Variants in TRIO observed in about 807,000 individuals in gnomAD.
The protein encoded by TRIO is trio Rho guanine nucleotide exchange factor, also known as triple functional domain protein.
Under a neutral mutation model 351.9 loss-of-function variants are expected in TRIO, and 58 were observed. The ratio of observed to expected loss-of-function variants is 0.16; its 90% CI spans 0.13 to 0.21. The LOEUF is 0.21. Ranked by LOEUF, TRIO falls within the 10% of genes least tolerant of loss-of-function variation. The pLI is 1.00. For missense variants in TRIO, 3,201 were observed against 4,027.8 expected (o/e 0.79, Z 5.56); for synonymous variants, 1,758 against 1,595.7 (o/e 1.10, Z -2.42).
chr5:14,457,192 C>A (rs1457720096), intron 34 of TRIO, among the ~76,000 whole-genome samples: 1 of 151,972 alleles, frequency 6.6e-6, no homozygotes, highest in East Asian at 1.9e-4. Context: ...TAGTTTATGA[C>A]CACTGCTAAC....
intron 1 of TRIO, among the ~76,000 whole-genome samples, chr5:14,259,266 A>G (rs1795206710): frequency 2.0e-5 from 3 of 152,194 alleles, no homozygotes; most frequent in South Asian, 2.1e-4. Flanking sequence ...TTGTTTTCCC[A>G]TCAGTATATT....
intron 34 of TRIO, among the ~76,000 whole-genome samples, chr5:14,460,099 G>A (rs1197967250): frequency 2.6e-5 from 4 of 151,994 alleles, no homozygotes; most frequent in African/African-American, 4.8e-5. Context: ...TGTATTTTTA[G>A]TAGAGATGGG....
chr5:14,185,012 G>A (rs1200539546), intron 1 of TRIO, among the ~76,000 whole-genome samples: 11 of 152,072 alleles, frequency 7.2e-5, no homozygotes, highest in African/African-American at 2.2e-4. Context: ...CATCTCAGTC[G>A]TCCATGACTC....
rs539887139 is a variant in TRIO, at chr5:14,261,734, C to A, written c.158-9091C>A. ...TGCTGGAACGACAAGCCTCCCAGTT[C>A]ACTTCTTCCAAAGCAGAGTCTCCTC... On this transcript the variant is annotated intron_variant, in intron 1 of 56. Transcript: ENST00000344204. Among the ~76,000 whole-genome samples, 22 of 152,302 alleles carry A rather than the reference C, an allele frequency of 1.4e-4. 1 individual carries two copies. The South Asian group carries it at 4.4e-3, about 30-fold the overall frequency.
At chr5:14,329,678 T>C (rs1581632001) in intron 9 of TRIO, among the ~76,000 whole-genome samples, 2 of 152,258 alleles carry the variant, frequency 1.3e-5, no homozygotes, top group East Asian at 1.9e-4. Flanking sequence ...AGCTGTGCAT[T>C]AACAAATATG....
chr5:14,290,604 TA>T, intron 4 of TRIO, 111 bp from the exon 5 acceptor site: 5 of 1,123,478 alleles, frequency 4.5e-6, no homozygotes, highest in Non-Finnish European at 6.2e-6. Context: ...ATGTTTTCTA[TA>T]AATAGATTAC....
intron 18 of TRIO, among the ~76,000 whole-genome samples, chr5:14,372,818 A>G (rs1051395405): frequency 6.6e-6 from 1 of 152,206 alleles, no homozygotes; most frequent in African/African-American, 2.4e-5. Flanking sequence ...GTCCTTAGCC[A>G]TCACCCTCGT....
At position 14,426,742 on chromosome 5, in the gene TRIO, C is replaced by T. The variant is rs187140258; in HGVS notation, c.5203+6721C>T. 3.3e-5 allele frequency among the ~76,000 whole-genome samples: 5 copies of T among 152,122 alleles called. No individual in the cohort carries two copies. The East Asian group carries it at 5.8e-4, about 18-fold the overall frequency. On this transcript the variant is annotated intron_variant, in intron 34 of 56. Coordinates refer to ENST00000344204, the MANE Select transcript of TRIO (RefSeq NM_007118.4). Reference sequence around the variant, plus strand: ...GAGATGGGCCTTCAGCAGGGGGTTGCGGGGGGAGCTTTAAACTGAGCCCTG... The same window carrying T: ...GAGATGGGCCTTCAGCAGGGGGTTGTGGGGGGAGCTTTAAACTGAGCCCTG...
intron 11 of TRIO, among the ~76,000 whole-genome samples, chr5:14,349,660 C>T (rs770056541): frequency 1.1e-4 from 17 of 152,170 alleles, no homozygotes; most frequent in Admixed American, 3.3e-4. Flanking sequence ...TTTCAACATA[C>T]GAGGTGAACT....
At chr5:14,425,538 A>C (rs1291408733) in intron 34 of TRIO, among the ~76,000 whole-genome samples, 5 of 152,104 alleles carry the variant, frequency 3.3e-5, no homozygotes, top group Non-Finnish European at 7.3e-5. Flanking sequence ...AATCTCTTCA[A>C]GTCCCTCCTT....
chr5:14,250,693 A>C (rs555830455), intron 1 of TRIO, among the ~76,000 whole-genome samples: 1 of 152,294 alleles, frequency 6.6e-6, no homozygotes, highest in Admixed American at 6.5e-5. Context: ...CTGTGTGTAC[A>C]TAGAAGCACA....
intron 1 of TRIO, among the ~76,000 whole-genome samples, chr5:14,166,451 G>A (rs1194711904): frequency 3.3e-5 from 5 of 152,198 alleles, no homozygotes; most frequent in Admixed American, 2.0e-4. Context: ...TAATTTCGGG[G>A]TAATTTAATC....
chr5:14,162,679 TG>T (rs1788540514), intron 1 of TRIO, among the ~76,000 whole-genome samples: 1 of 152,260 alleles, frequency 6.6e-6, no homozygotes, highest in African/African-American at 2.4e-5. Flanking sequence ...TATCCTGGCT[TG>T]ATGATAATCG....
At position 14,286,786 on chromosome 5, in the gene TRIO, G is replaced by T. The variant is rs1688835005; in HGVS notation, c.348-85G>T. 2.8e-6 allele frequency: 4 copies of T among 1,444,346 alleles called. No individual in the cohort carries two copies. Among genetic ancestry groups the T allele is most frequent in the African/African-American group, 1.4e-5 (1 of 70,942 alleles). 89.5% of individuals were successfully genotyped at this position (1,444,346 alleles called of 1,614,324 possible). On this transcript the variant is annotated intron_variant, in intron 3 of 56. Coordinates refer to ENST00000344204, the MANE Select transcript of TRIO (RefSeq NM_007118.4). This position sits in a 1 kb window ranked among gnomAD's most constrained non-coding sequence, Gnocchi z 4.4. The stretch of plus-strand genomic sequence containing the variant: ...ACGTGTCCAGCAGGGGAGGGAAGCT[G>T]GGTCTGTGGCACCCAGTGGGACTCT...
intron 1 of TRIO, among the ~76,000 whole-genome samples, chr5:14,154,870 A>G (rs1017522439): frequency 2.0e-5 from 3 of 152,174 alleles, no homozygotes; most frequent in South Asian, 2.1e-4. Flanking sequence ...AGGAGTTTCT[A>G]AAACTTTCAA....
intron 7 of TRIO, among the ~76,000 whole-genome samples, chr5:14,301,171 T>C (rs1403475420): frequency 6.6e-6 from 1 of 152,156 alleles, no homozygotes; most frequent in Non-Finnish European, 1.5e-5. Context: ...GTTCTCCTCT[T>C]AAAAGCTATG....
intron 1 of TRIO, among the ~76,000 whole-genome samples, chr5:14,238,763 G>T (rs767288788): frequency 3.9e-5 from 6 of 152,178 alleles, no homozygotes; most frequent in East Asian, 1.9e-4. Flanking sequence ...AGGCCCTGGT[G>T]GGGGGTGCAA....
intron 1 of TRIO, among the ~76,000 whole-genome samples, chr5:14,183,448 C>A (rs1789912517): frequency 6.6e-6 from 1 of 151,994 alleles, no homozygotes; most frequent in African/African-American, 2.4e-5. Flanking sequence ...TAAAAGGGAT[C>A]AGTTTGTTAA....
intron 1 of TRIO, among the ~76,000 whole-genome samples, chr5:14,144,555 C>T (rs189154292): frequency 1.5e-4 from 23 of 152,212 alleles, no homozygotes; most frequent in Admixed American, 1.2e-3. Context: ...CGGGGACGAC[C>T]CGGGAGGGTC....
Sources: gnomAD v4.1 joint callset for allele counts (sites outside exome capture counted in the v4.1 genomes callset) on GRCh38, gnomAD v4.1.1 for gene constraint, Gnocchi (gnomAD v3.1) non-coding constraint, MANE v1.5 for transcripts, NCBI Gene and HGNC (gene_info 2026-07-23, HGNC 2026-07-21) for gene names.